The following MTUS2 variants were observed in gnomAD, a reference collection of about 807,000 sequenced individuals.
The protein encoded by MTUS2 is microtubule-associated tumor suppressor candidate 2.
A neutral mutation model predicts 114.1 loss-of-function variants in MTUS2; 40 were observed. That is an observed-to-expected ratio of 0.35 (90% CI 0.27 to 0.46). The LOEUF (loss-of-function observed/expected upper bound fraction) is 0.46. Ranked by LOEUF, MTUS2 falls within the 20% of genes least tolerant of loss-of-function variation. The pLI is 1.00. For synonymous variants in MTUS2, 688 were observed against 672.0 expected (o/e 1.02, Z -0.37); for missense variants, 1,679 against 1,705.4 (o/e 0.98, Z 0.27).
rs1245258158 is a variant in MTUS2, at chr13:28,976,246, A to AG, written c.-242-48210dup. 1.2e-3 allele frequency among the ~76,000 whole-genome samples: 127 copies of AG among 107,996 alleles called. 2 individuals are homozygous for AG. The highest frequency in any genetic ancestry group is 5.1e-3 in the African/African-American group (122 of 23,938). 70.8% of individuals were successfully genotyped at this position (107,996 alleles called of 152,430 possible). On this transcript the variant is annotated intron_variant, in intron 2 of 15. Coordinates refer to ENST00000612955, the MANE Select transcript of MTUS2 (RefSeq NM_001033602.4). ...AAAAGAAAAGAAGAAAAAAAGAATT[A>AG]GAGAAATAAGATGGGAGGGTGTTCC...
chr13:28,959,263 C>A (rs1330869770), intron 2 of MTUS2, among the ~76,000 whole-genome samples: 3 of 152,208 alleles, frequency 2.0e-5, no homozygotes, highest in African/African-American at 7.2e-5. Flanking sequence ...CCGCCACTTC[C>A]ACCTGTGCCG....
intron 4 of MTUS2, among the ~76,000 whole-genome samples, chr13:29,043,786 T>TATAAC (rs5802503): frequency 0.97 from 147,115 of 151,790 alleles, 71,326 homozygotes; most frequent in South Asian, 0.98. Context: ...TAAAGTCTGA[T>TATAAC]AGACTTTATA....
At chr13:29,492,025 T>TGA (rs1204103697) in intron 11 of MTUS2, among the ~76,000 whole-genome samples, 2 of 145,548 alleles carry the variant, frequency 1.4e-5, no homozygotes, top group Non-Finnish European at 3.0e-5. Flanking sequence ...GTGGTAGGTG[T>TGA]GTGTGTAGTG....
intron 2 of MTUS2, among the ~76,000 whole-genome samples, chr13:28,963,185 A>G (rs1883410817): frequency 6.6e-6 from 1 of 151,992 alleles, no homozygotes; most frequent in African/African-American, 2.4e-5. Flanking sequence ...CCCCATCTCT[A>G]CTAAAAATAT....
At position 28,934,997 on chromosome 13, in the gene MTUS2, CTCCATAGCGTTTTTTTTTTTTTTTT is replaced by C. The variant is rs1230053781; in HGVS notation, c.-242-89458_-242-89434del. ...ACCCGTAGGTGACCACTTGTTTCAT[CTCCATAGCGTTTTTTTTTTTTTTTT>C]TTTTTTTTTTTGCCCATGCTTCTTG... On this transcript the variant is annotated intron_variant, in intron 2 of 15. Coordinates refer to ENST00000612955, the MANE Select transcript of MTUS2 (RefSeq NM_001033602.4). Among the ~76,000 whole-genome samples the C allele has an allele frequency of 4.4e-5, 6 of 136,902 alleles. No homozygotes were observed. The South Asian group carries it at 1.4e-3, about 31-fold the overall frequency. 89.8% of individuals were successfully genotyped at this position (136,902 alleles called of 152,430 possible). A position where few individuals can be genotyped will look rare whatever the true frequency, so the allele number is the denominator to read the frequency against.
chr13:29,230,458 G>A (rs998748348), intron 5 of MTUS2, among the ~76,000 whole-genome samples: 1 of 152,152 alleles, frequency 6.6e-6, no homozygotes, highest in South Asian at 2.1e-4. Flanking sequence ...AGCAGCGAAG[G>A]CCTGGCTTAC....
chr13:29,241,628 C>T (rs1029191), intron 5 of MTUS2, among the ~76,000 whole-genome samples: 31,949 of 152,098 alleles, frequency 0.21, 3,543 homozygotes, highest in East Asian at 0.41. Flanking sequence ...CATTTGATTG[C>T]ATTTGTTCTG....
chr13:29,378,877 G>T (rs959651422), intron 8 of MTUS2, among the ~76,000 whole-genome samples: 11 of 152,118 alleles, frequency 7.2e-5, no homozygotes, highest in African/African-American at 2.7e-4. Flanking sequence ...ATCTTGAATT[G>T]TAATTGGAAT....
intron 5 of MTUS2, among the ~76,000 whole-genome samples, chr13:29,142,742 T>C (rs1240861865): frequency 6.6e-6 from 1 of 152,128 alleles, no homozygotes; most frequent in Non-Finnish European, 1.5e-5. Context: ...TTCAGGCTTA[T>C]GGGAGCCAAA....
intron 2 of MTUS2, among the ~76,000 whole-genome samples, chr13:28,923,541 G>A (rs759878870): frequency 3.9e-5 from 6 of 152,192 alleles, no homozygotes; most frequent in Non-Finnish European, 5.9e-5. Flanking sequence ...GTCCCTGCTG[G>A]TGCTGGCCGA....
intron 9 of MTUS2, among the ~76,000 whole-genome samples, chr13:29,446,538 G>A (rs956828257): frequency 6.6e-6 from 1 of 152,102 alleles, no homozygotes; most frequent in Non-Finnish European, 1.5e-5. Flanking sequence ...TTTTCTTTGA[G>A]CATTTGGATT....
chr13:29,065,630 GTTGTTAGTTTCTT>G (rs1327604560), intron 4 of MTUS2, among the ~76,000 whole-genome samples: 1 of 152,146 alleles, frequency 6.6e-6, no homozygotes, highest in Admixed American at 6.5e-5. Flanking sequence ...TGTTAACTCT[GTTGTTAGTTTCTT>G]TTGTGGGATT....
At chr13:29,123,101 T>G (rs368405795) in intron 5 of MTUS2, among the ~76,000 whole-genome samples, 93 of 152,342 alleles carry the variant, frequency 6.1e-4, no homozygotes, top group African/African-American at 2.2e-3. Context: ...TGCTTCAGAT[T>G]TTAAAAAAGC....
At position 28,998,564 on chromosome 13, in the gene MTUS2, A is replaced by G. The variant is rs1397541758; in HGVS notation, c.-242-25893A>G. 3.3e-5 allele frequency among the ~76,000 whole-genome samples: 5 copies of G among 152,096 alleles called. No individual in the cohort carries two copies. In the East Asian group the frequency reaches 9.6e-4, roughly 29 times the overall value. On this transcript the variant is annotated intron_variant, in intron 2 of 15. Transcript: ENST00000612955. ...AGATTTGGTCTTTTCACATAGTCCCATATTTCTTGGAGGCTTTATTCATTT... is the reference window on the plus strand; with the variant it reads ...AGATTTGGTCTTTTCACATAGTCCCGTATTTCTTGGAGGCTTTATTCATTT...
At chr13:29,209,088 T>C (rs187403953) in intron 5 of MTUS2, among the ~76,000 whole-genome samples, 13 of 152,274 alleles carry the variant, frequency 8.5e-5, no homozygotes, top group Non-Finnish European at 1.5e-4. Flanking sequence ...AGTAATTGTT[T>C]TATAAATGTG....
intron 2 of MTUS2, among the ~76,000 whole-genome samples, chr13:29,007,031 A>G (rs1885631721): frequency 6.6e-6 from 1 of 152,242 alleles, no homozygotes; most frequent in South Asian, 2.1e-4. Flanking sequence ...TATTTCAGCA[A>G]GAACGTCCAA....
chr13:28,934,665 A>C (rs766651415), intron 2 of MTUS2, among the ~76,000 whole-genome samples: 4 of 152,186 alleles, frequency 2.6e-5, no homozygotes, highest in Non-Finnish European at 5.9e-5. Context: ...CTGGGATTAT[A>C]GGCATGTGCC....
At chr13:29,196,245 T>G (rs1237552300) in intron 5 of MTUS2, among the ~76,000 whole-genome samples, 3 of 151,950 alleles carry the variant, frequency 2.0e-5, no homozygotes, top group Admixed American at 2.0e-4. Context: ...TACAGGCACC[T>G]GCCACCACAC....
chr13:29,188,646 G>A (rs1370623379), intron 5 of MTUS2, among the ~76,000 whole-genome samples: 1 of 152,144 alleles, frequency 6.6e-6, no homozygotes, highest in African/African-American at 2.4e-5. Flanking sequence ...CCACTGCTGT[G>A]CTTCAGGGAT....
Sources: gnomAD v4.1 joint callset for allele counts (sites outside exome capture counted in the v4.1 genomes callset) on GRCh38, gnomAD v4.1.1 for gene constraint, MANE v1.5 for transcripts, NCBI Gene and HGNC (gene_info 2026-07-23, HGNC 2026-07-21) for gene names.